XKR4: variants seen among roughly 807,000 people sequenced by gnomAD.
XKR4 encodes XK related 4.
Under a neutral mutation model 53.9 loss-of-function variants are expected in XKR4, and 12 were observed. That is an observed-to-expected ratio of 0.22 (90% CI 0.14 to 0.36). XKR4 has a LOEUF of 0.36. Among genes scored for constraint, XKR4 ranks in the 10% least tolerant of loss-of-function variants. XKR4 has a pLI of 1.00. For synonymous variants in XKR4, 354 were observed against 362.4 expected (o/e 0.98, Z 0.26); for missense variants, 799 against 859.5 (o/e 0.93, Z 0.88).
At chr8:55,311,680 T>C (rs572726829) in intron 1 of XKR4, among the ~76,000 whole-genome samples, 9 of 152,086 alleles carry the variant, frequency 5.9e-5, no homozygotes, top group Non-Finnish European at 4.4e-5. Context: ...CCCCAGGTTA[T>C]AGAGAAAAAA....
intron 2 of XKR4, among the ~76,000 whole-genome samples, chr8:55,497,212 T>C (rs558863759): frequency 1.3e-4 from 20 of 152,374 alleles, no homozygotes; most frequent in African/African-American, 4.8e-4. Context: ...CGCTAAGCAC[T>C]TAAACTCAAC....
At position 55,541,580 on chromosome 8, in the gene XKR4, C is replaced by G. The variant is rs1000012567; in HGVS notation, c.*17353C>G. The G allele has an allele frequency of 1.3e-5, 2 of 152,112 alleles. No individual in the cohort carries two copies. The highest frequency in any genetic ancestry group is 4.8e-5 in the African/African-American group (2 of 41,396). The allele number at this position is 152,112 out of a possible 1,614,324, so 9.4% of individuals were successfully genotyped here. A position where few individuals can be genotyped will look rare whatever the true frequency, so the allele number is the denominator to read the frequency against. On this transcript the variant is annotated 3_prime_UTR_variant, in exon 3 of 3. Coordinates refer to ENST00000327381, the MANE Select transcript of XKR4 (RefSeq NM_052898.2). ...ATTACAGAATAAGGTCCGAGAGACC[C>G]CACGAGTGTGCGTAGGGAACGGTGT...
intron 2 of XKR4, among the ~76,000 whole-genome samples, chr8:55,415,139 T>A (rs893035474): frequency 2.0e-5 from 3 of 152,226 alleles, no homozygotes; most frequent in Non-Finnish European, 2.9e-5. Flanking sequence ...AAAAGAAATC[T>A]TAAAGACAGC....
intron 2 of XKR4, among the ~76,000 whole-genome samples, chr8:55,481,950 A>G (rs1007005087): frequency 1.3e-5 from 2 of 152,202 alleles, no homozygotes; most frequent in Admixed American, 6.5e-5. Context: ...TGTTGGTGGG[A>G]CTGTAATCTA....
chr8:55,479,471 A>G (rs917976900), intron 2 of XKR4, among the ~76,000 whole-genome samples: 1 of 152,142 alleles, frequency 6.6e-6, no homozygotes, highest in Non-Finnish European at 1.5e-5. Flanking sequence ...TTGACACCCT[A>G]ACATCAAAAT....
At chr8:55,194,104 CTCTT>C (rs796980126) in intron 1 of XKR4, among the ~76,000 whole-genome samples, 24 of 152,346 alleles carry the variant, frequency 1.6e-4, no homozygotes, top group African/African-American at 5.8e-4. Flanking sequence ...GTGAGCCACT[CTCTT>C]TGAGTACCTA....
At chr8:55,416,858 T>C (rs1804860632) in intron 2 of XKR4, among the ~76,000 whole-genome samples, 1 of 152,230 alleles carries the variant, frequency 6.6e-6, no homozygotes, top group South Asian at 2.1e-4. Flanking sequence ...ATGATCTAGT[T>C]TCTATGACTG....
In XKR4 at chr8:55,473,244, A is replaced by G. The variant is rs546814194; in HGVS notation, c.1007-50037A>G. 2.6e-5 allele frequency among the ~76,000 whole-genome samples: 4 copies of G among 152,258 alleles called. No homozygotes were observed. The South Asian group carries it at 8.3e-4, about 32-fold the overall frequency. ...CTTATAATTGACCTGGCCTAAATTA[A>G]TCCTCACACCCATCCTGTGAAGGAA... On this transcript the variant is annotated intron_variant, in intron 2 of 2. Coordinates refer to ENST00000327381, the MANE Select transcript of XKR4 (RefSeq NM_052898.2).
intron 1 of XKR4, among the ~76,000 whole-genome samples, chr8:55,236,896 G>A (rs1294489318): frequency 1.3e-5 from 2 of 152,188 alleles, no homozygotes; most frequent in Non-Finnish European, 2.9e-5. Context: ...CCTCTTTCTG[G>A]TGTTTTCAGT....
chr8:55,441,041 A>G (rs997061236), intron 2 of XKR4, among the ~76,000 whole-genome samples: 1 of 148,192 alleles, frequency 6.7e-6, no homozygotes, highest in African/African-American at 2.5e-5. Context: ...CAGCCTGGAC[A>G]ACACAATGAC....
intron 2 of XKR4, among the ~76,000 whole-genome samples, chr8:55,413,270 T>C (rs964941876): frequency 6.6e-6 from 1 of 152,238 alleles, no homozygotes; most frequent in Non-Finnish European, 1.5e-5. Context: ...TCATCTAGGC[T>C]GGAGTGCAGT....
chr8:55,383,463 CG>C (rs1005424182), intron 2 of XKR4, among the ~76,000 whole-genome samples: 2 of 152,150 alleles, frequency 1.3e-5, no homozygotes, highest in Non-Finnish European at 2.9e-5. Flanking sequence ...GCTGAGTATA[CG>C]GGGAACCGTT....
intron 1 of XKR4, among the ~76,000 whole-genome samples, chr8:55,293,608 T>A (rs1009415884): frequency 3.3e-5 from 5 of 152,178 alleles, no homozygotes; most frequent in African/African-American, 9.6e-5. Context: ...TTGATTTTAG[T>A]AAAATCATGA....
At chr8:55,399,553 A>G (rs904887801) in intron 2 of XKR4, among the ~76,000 whole-genome samples, 1 of 152,036 alleles carries the variant, frequency 6.6e-6, no homozygotes, top group African/African-American at 2.4e-5. Flanking sequence ...CCCATCCCTA[A>G]CCACATGTGT....
At chr8:55,453,511 G>T in intron 2 of XKR4, 1 of 386,926 alleles carries the variant, frequency 2.6e-6, no homozygotes, top group South Asian at 2.0e-5. Flanking sequence ...CTGGGCTCTT[G>T]ACCTGCAGCC....
intron 1 of XKR4, among the ~76,000 whole-genome samples, chr8:55,181,155 GT>G (rs1386202822): frequency 1.3e-5 from 2 of 152,108 alleles, no homozygotes; most frequent in African/African-American, 4.8e-5. Flanking sequence ...ACCTACTCTG[GT>G]TTCTGATGTT....
intron 1 of XKR4, among the ~76,000 whole-genome samples, chr8:55,311,162 G>A (rs1292967289): frequency 2.0e-5 from 3 of 152,306 alleles, no homozygotes; most frequent in East Asian, 3.9e-4. Flanking sequence ...CATGTGCCTC[G>A]AATTGGTAAA....
At chr8:55,361,342 G>C (rs1475146648) in intron 2 of XKR4, among the ~76,000 whole-genome samples, 1 of 152,124 alleles carries the variant, frequency 6.6e-6, no homozygotes, top group East Asian at 1.9e-4. Context: ...GAGGGAGGGA[G>C]ACCCCACTCG....
At position 55,282,793 on chromosome 8, in the gene XKR4, G is replaced by C. The variant is rs79939144; in HGVS notation, c.807-74885G>C. ...TCTGCCAGTTATACAAAACTGTATA[G>C]TAATGGCCTAGGCTTTCACATTCAC... On this transcript the variant is annotated intron_variant, in intron 1 of 2. Coordinates refer to ENST00000327381, the MANE Select transcript of XKR4 (RefSeq NM_052898.2). Among the ~76,000 whole-genome samples the C allele has an allele frequency of 2.7e-3, 412 of 152,312 alleles. 2 individuals are homozygous for C. The highest frequency in any genetic ancestry group is 9.3e-3 in the African/African-American group (387 of 41,568).
Sources: allele counts gnomAD v4.1 joint callset (sites outside exome capture counted in the v4.1 genomes callset), GRCh38; gene constraint gnomAD v4.1.1; transcripts MANE v1.5; gene names NCBI Gene and HGNC (gene_info 2026-07-23, HGNC 2026-07-21).